SPATA16: variants seen among roughly 807,000 people sequenced by gnomAD.
SPATA16 encodes the protein spermatogenesis associated 16, also known as spermatogenesis-associated protein 16.
In SPATA16, 36 loss-of-function variants were observed where a neutral mutation model predicts 63.3. That is an observed-to-expected ratio of 0.57 (90% CI 0.44 to 0.75). SPATA16 has a LOEUF of 0.75. SPATA16 is among the 30% of genes least tolerant of loss of function. The pLI is 0.00. For synonymous variants in SPATA16, 203 were observed against 216.7 expected (o/e 0.94, Z 0.56); for missense variants, 646 against 679.3 (o/e 0.95, Z 0.54).
chr3:173,021,722 T>TTTTATTTATTTATTTA (rs76258278), intron 3 of SPATA16, among the ~76,000 whole-genome samples: 73 of 139,718 alleles, frequency 5.2e-4, no homozygotes, highest in South Asian at 9.4e-4. Context: ...CCCTATTACT[T>TTTTATTTATTTATTTA]TTTATTTATT....
chr3:173,089,637 G>T (rs190115804), intron 2 of SPATA16, among the ~76,000 whole-genome samples: 1 of 152,316 alleles, frequency 6.6e-6, no homozygotes, highest in East Asian at 1.9e-4. Context: ...GATTGTGTCA[G>T]GAATGTGAAC....
At chr3:172,922,432 G>T (rs1732632793) in intron 8 of SPATA16, among the ~76,000 whole-genome samples, 1 of 152,172 alleles carries the variant, frequency 6.6e-6, no homozygotes, top group African/African-American at 2.4e-5. Context: ...TCACATAAAA[G>T]ATTCATGTCT....
At chr3:172,932,700 T>C (rs1291035663) in intron 6 of SPATA16, among the ~76,000 whole-genome samples, 2 of 152,138 alleles carry the variant, frequency 1.3e-5, no homozygotes, top group Admixed American at 1.3e-4. Flanking sequence ...AATAAAATGG[T>C]CTCTACTTTT....
chr3:173,023,285 G>A (rs576625838), intron 3 of SPATA16, among the ~76,000 whole-genome samples: 2 of 151,664 alleles, frequency 1.3e-5, no homozygotes, highest in Admixed American at 1.3e-4. Flanking sequence ...TCCTTCTCTC[G>A]TGATTTGATA....
chr3:173,101,365 C>G (rs1323676212), intron 2 of SPATA16, among the ~76,000 whole-genome samples: 1 of 152,156 alleles, frequency 6.6e-6, no homozygotes, highest in Non-Finnish European at 1.5e-5. Flanking sequence ...ACTCCATACC[C>G]TAATCAAAGG....
chr3:172,921,646 A>G (rs1472918461), intron 8 of SPATA16, among the ~76,000 whole-genome samples: 4 of 152,226 alleles, frequency 2.6e-5, no homozygotes. Context: ...CAGCTTGGAT[A>G]AAGAAAAAAA....
intron 2 of SPATA16, among the ~76,000 whole-genome samples, chr3:173,080,455 C>A (rs1160147281): frequency 6.6e-6 from 1 of 151,934 alleles, no homozygotes; most frequent in African/African-American, 2.4e-5. Context: ...ACATCTTGTG[C>A]CTTTCACCTG....
At chr3:173,045,862 A>T (rs548088010) in intron 3 of SPATA16, among the ~76,000 whole-genome samples, 1 of 152,214 alleles carries the variant, frequency 6.6e-6, no homozygotes, top group South Asian at 2.1e-4. Context: ...GAAATATTTA[A>T]TAAGTTTTTT....
Position 173,021,439 on chromosome 3 carries a change from C to T in SPATA16, c.759-1864G>A, listed in dbSNP as rs190546373. Among the ~76,000 whole-genome samples the T allele has an allele frequency of 1.8e-3, 267 of 152,154 alleles. 1 individual carries two copies. Among genetic ancestry groups the T allele is most frequent in the South Asian group, 3.9e-3 (19 of 4,820 alleles). The stretch of plus-strand genomic sequence containing the variant: ...ACATTAATCCCTCAAGAACACAGAT[C>T]GTTTGCTTTGGTGTGTTTTGATTAA... On this transcript the variant is annotated intron_variant, in intron 3 of 10. Coordinates refer to ENST00000351008, the MANE Select transcript of SPATA16 (RefSeq NM_031955.6).
At chr3:173,056,705 CAAAAAAAAAAAAA>C (rs71162325) in intron 2 of SPATA16, among the ~76,000 whole-genome samples, 1 of 73,616 alleles carries the variant, frequency 1.4e-5, no homozygotes, top group Non-Finnish European at 2.4e-5. Flanking sequence ...ACTCTTGTTT[CAAAAAAAAAAAAA>C]AAAAAAAAAA....
intron 2 of SPATA16, among the ~76,000 whole-genome samples, chr3:173,111,440 C>T (rs1024815462): frequency 7.2e-5 from 11 of 152,024 alleles, no homozygotes; most frequent in African/African-American, 2.7e-4. Context: ...TAACAAAATG[C>T]CTGGAACCCA....
rs554221111 is a variant in SPATA16, at chr3:173,096,634, T to C, written c.612+20486A>G. ...ATAAGCTGGTGAGAATAAAGGAAAA[T>C]AGACCTTCTAATACACAGCTGATAG... On this transcript the variant is annotated intron_variant, in intron 2 of 10. Transcript: ENST00000351008. 3.9e-4 allele frequency among the ~76,000 whole-genome samples: 59 copies of C among 152,128 alleles called. 1 individual carries two copies. The highest frequency in any genetic ancestry group is 4.4e-5 in the Non-Finnish European group (3 of 67,966).
intron 2 of SPATA16, among the ~76,000 whole-genome samples, chr3:173,105,982 A>G (rs1379227278): frequency 6.6e-6 from 1 of 152,112 alleles, no homozygotes; most frequent in Non-Finnish European, 1.5e-5. Context: ...TTTTTATTCT[A>G]TTCCATTCCT....
intron 8 of SPATA16, among the ~76,000 whole-genome samples, chr3:172,920,226 C>T (rs561746173): frequency 6.6e-6 from 1 of 152,266 alleles, no homozygotes; most frequent in East Asian, 1.9e-4. Context: ...ATGAAGGTGA[C>T]ACAATGTCAC....
chr3:173,005,104 C>T (rs1283178865), intron 4 of SPATA16, among the ~76,000 whole-genome samples: 1 of 152,022 alleles, frequency 6.6e-6, no homozygotes, highest in Non-Finnish European at 1.5e-5. Context: ...GGGTGGATCA[C>T]GAGGTCAGGA....
intron 9 of SPATA16, among the ~76,000 whole-genome samples, chr3:172,916,111 G>A (rs1362933139): frequency 1.3e-5 from 2 of 152,126 alleles, no homozygotes; most frequent in Non-Finnish European, 2.9e-5. Flanking sequence ...AATAATGGAA[G>A]CTAGTTAATG....
intron 5 of SPATA16, among the ~76,000 whole-genome samples, chr3:172,961,072 TCCTTC>T (rs1733766875): frequency 4.2e-5 from 5 of 119,318 alleles, no homozygotes; most frequent in African/African-American, 1.8e-4. Flanking sequence ...TCTTCTTTCT[TCCTTC>T]CTTCCTTCCT....
chr3:172,915,337 T>G (rs1732455886), intron 9 of SPATA16, among the ~76,000 whole-genome samples: 1 of 152,176 alleles, frequency 6.6e-6, no homozygotes, highest in Non-Finnish European at 1.5e-5. Context: ...TTTTAGCAGG[T>G]TTAGATGAAC....
At chr3:173,014,909 G>A (rs1735146667) in intron 4 of SPATA16, among the ~76,000 whole-genome samples, 1 of 152,176 alleles carries the variant, frequency 6.6e-6, no homozygotes, top group Non-Finnish European at 1.5e-5. Flanking sequence ...CCAGCTCACT[G>A]TAGTTCGCAG....
Sources: allele counts gnomAD v4.1 joint callset (sites outside exome capture counted in the v4.1 genomes callset), GRCh38; gene constraint gnomAD v4.1.1; transcripts MANE v1.5; gene names NCBI Gene and HGNC (gene_info 2026-07-23, HGNC 2026-07-21).